Variants in SLC47A2 observed in about 807,000 individuals in gnomAD.
SLC47A2 encodes the protein multidrug and toxin extrusion protein 2.
In SLC47A2, 52 loss-of-function variants were observed where a neutral mutation model predicts 67.7. That is an observed-to-expected ratio of 0.77 (90% CI 0.61 to 0.97). SLC47A2 has a LOEUF of 0.97. Among genes scored for constraint, SLC47A2 ranks in the 50% least tolerant of loss-of-function variants. SLC47A2 has a pLI of 0.00. For synonymous variants in SLC47A2, 278 were observed against 292.9 expected, an observed-to-expected ratio of 0.95 and a Z score of 0.52; for missense variants, 676 against 712.3, an observed-to-expected ratio of 0.95 and a Z score of 0.58.
intron 13 of SLC47A2, among the ~76,000 whole-genome samples, chr17:19,689,348 G>T (rs1408951988): frequency 2.0e-5 from 3 of 152,182 alleles, no homozygotes; most frequent in Non-Finnish European, 4.4e-5. Context: ...AATCAAGAGA[G>T]TATTCCCATT....
intron 5 of SLC47A2, 31 bp from the exon 6 acceptor site, chr17:19,708,791 C>T (rs1353894946): frequency 1.2e-6 from 2 of 1,612,708 alleles, no homozygotes; most frequent in Non-Finnish European, 1.7e-6. Context: ...AACAAATCAA[C>T]AATAATGACC....
At chr17:19,714,495 T>G (rs1192821974) in intron 3 of SLC47A2, 3 of 604,092 alleles carry the variant, frequency 5.0e-6, no homozygotes, top group Non-Finnish European at 8.8e-6. Context: ...CAGAGAACTG[T>G]CTCCACCATC....
chr17:19,682,283 A>G (rs1042812092), intron 13 of SLC47A2, among the ~76,000 whole-genome samples: 1 of 151,576 alleles, frequency 6.6e-6, no homozygotes, highest in South Asian at 2.1e-4. Context: ...GCTTGAACCT[A>G]GGATGCACCA....
chr17:19,711,822 G>A (rs903694110), intron 5 of SLC47A2, among the ~76,000 whole-genome samples: 4 of 151,822 alleles, frequency 2.6e-5, no homozygotes, highest in Non-Finnish European at 5.9e-5. Context: ...TCTGTAAGAT[G>A]ATTCACAAAG....
rs3034910 is a variant in SLC47A2 at position 19,705,069 on chromosome 17, C to CCCT, written c.909+364_909+366dup. 9.5e-3 allele frequency: 3,222 copies of CCCT among 340,296 alleles called. 80 individuals are homozygous for CCCT. Among genetic ancestry groups the CCCT allele is most frequent in the African/African-American group, 0.062 (2,916 of 46,900 alleles). The allele number at this position is 340,296 out of a possible 1,614,324, so 21.1% of individuals were successfully genotyped here. Reference sequence around the variant, plus strand: ...CTTGAACTCCTGGCTTTGTGATCCGCCCTCAGCCTCCCAAAGTACTGGGAT... The same window carrying CCCT: ...CTTGAACTCCTGGCTTTGTGATCCGCCCTCCTCAGCCTCCCAAAGTACTGGGAT... On this transcript the variant is annotated intron_variant, in intron 10 of 16. Transcript: ENST00000433844.
intron 10 of SLC47A2, chr17:19,704,681 C>T (rs1367179085): frequency 4.1e-5 from 63 of 1,549,660 alleles, no homozygotes; most frequent in South Asian, 6.0e-5. Flanking sequence ...ATAAGCAAGA[C>T]GATGGCTGTG....
intron 7 of SLC47A2, among the ~76,000 whole-genome samples, 165 bp from the exon 8 acceptor site, chr17:19,708,008 C>T (rs1002414259): frequency 6.6e-6 from 1 of 152,226 alleles, no homozygotes; most frequent in African/African-American, 2.4e-5. Context: ...CACCTCTGGC[C>T]ATGGTGGCTC....
chr17:19,694,804 T>C (rs953568459), intron 13 of SLC47A2, among the ~76,000 whole-genome samples: 5 of 151,372 alleles, frequency 3.3e-5, no homozygotes, highest in African/African-American at 1.2e-4. Context: ...TAGTCCCAGC[T>C]ACTCAGGAGG....
rs1597631286 is a variant in SLC47A2 at position 19,708,174 on chromosome 17, C to G, written c.629+128G>C. 1.1e-5 allele frequency: 12 copies of G among 1,062,610 alleles called. No individual in the cohort carries two copies. The South Asian group carries it at 1.9e-4, about 17-fold the overall frequency. 65.8% of individuals were successfully genotyped at this position (1,062,610 alleles called of 1,614,324 possible). A position where few individuals can be genotyped will look rare whatever the true frequency, so the allele number is the denominator to read the frequency against. On this transcript the variant is annotated intron_variant, in intron 7 of 16. Coordinates refer to ENST00000433844, the MANE Select transcript of SLC47A2 (RefSeq NM_001099646.3). ...CCAAGGGACCATCAGGCCCCTCCAA[C>G]TCCCCATAACCCTCCACTTCAGGAC...
At chr17:19,712,808 C>T (rs745448700) in intron 4 of SLC47A2, 63 bp from the exon 5 acceptor site, 11 of 1,520,436 alleles carry the variant, frequency 7.2e-6, no homozygotes, top group Non-Finnish European at 9.0e-6. Flanking sequence ...AGGGCCCTCT[C>T]CCCTGTGTCC....
intron 8 of SLC47A2, among the ~76,000 whole-genome samples, chr17:19,707,045 C>T (rs1174829022): frequency 6.6e-6 from 1 of 152,060 alleles, no homozygotes; most frequent in Non-Finnish European, 1.5e-5. Flanking sequence ...CACCACCCAC[C>T]ACTCTGCAGG....
At chr17:19,705,591 C>G in intron 9 of SLC47A2, 88 bp from the exon 10 acceptor site, 2 of 1,264,622 alleles carry the variant, frequency 1.6e-6, no homozygotes, top group Non-Finnish European at 2.1e-6. Flanking sequence ...TTTGGGGACT[C>G]AGGGGCTTTT....
intron 1 of SLC47A2, among the ~76,000 whole-genome samples, chr17:19,715,467 G>A (rs898654424): frequency 1.2e-4 from 17 of 147,234 alleles, no homozygotes; most frequent in Non-Finnish European, 2.3e-4. Flanking sequence ...AGTGCCTGGC[G>A]CCCTGAGCTT....
intron 8 of SLC47A2, among the ~76,000 whole-genome samples, chr17:19,707,055 G>T (rs1049037678): frequency 6.6e-6 from 1 of 152,096 alleles, no homozygotes; most frequent in Admixed American, 6.5e-5. Context: ...CACTCTGCAG[G>T]CTCCATTTCC....
At chr17:19,715,926 C>A (rs2086253285) in intron 1 of SLC47A2, 1 of 153,880 alleles carries the variant, frequency 6.5e-6, no homozygotes, top group African/African-American at 2.4e-5. Flanking sequence ...GGGCTGGTCT[C>A]CAACTCCTGA....
intron 4 of SLC47A2, among the ~76,000 whole-genome samples, chr17:19,713,404 AATAATAATAATCATC>A (rs1567637497): frequency 6.9e-6 from 1 of 144,902 alleles, no homozygotes; most frequent in East Asian, 1.9e-4. Context: ...TAATAATAAT[AATAATAATAATCATC>A]ATCATCATCA....
At chr17:19,704,464 A>G (rs1333418107) in intron 10 of SLC47A2, among the ~76,000 whole-genome samples, 4 of 152,270 alleles carry the variant, frequency 2.6e-5, no homozygotes, top group Non-Finnish European at 5.9e-5. Context: ...GTGTTGTCCA[A>G]ATCAAATGAG....
At position 19,708,440 on chromosome 17, in the gene SLC47A2, G is replaced by C. The variant is rs367587132; in HGVS notation, c.532-41C>G. ...ACTGGCCCTGCTAAGGTGTGAGTGA[G>C]ATGGATGGAGGATGGACAAACCCGG... On this transcript the variant is annotated intron_variant, in intron 6 of 16. Transcript: ENST00000433844. The C allele has an allele frequency of 7.4e-6, 12 of 1,614,084 alleles. No homozygotes were observed. The African/African-American group carries it at 1.2e-4, about 16-fold the overall frequency.
chr17:19,693,205 AAAG>A (rs2085582333), intron 13 of SLC47A2, among the ~76,000 whole-genome samples: 2 of 152,170 alleles, frequency 1.3e-5, no homozygotes, highest in Admixed American at 6.6e-5. Flanking sequence ...GCATATTAAT[AAAG>A]AACAATTAAT....
Sources: allele counts gnomAD v4.1 joint callset (sites outside exome capture counted in the v4.1 genomes callset), GRCh38; gene constraint gnomAD v4.1.1; transcripts MANE v1.5; gene names NCBI Gene and HGNC (gene_info 2026-07-23, HGNC 2026-07-21).